The following SLC7A7 variants were observed in gnomAD, a reference collection of about 807,000 sequenced individuals.
The protein encoded by SLC7A7 is Y+L amino acid transporter 1.
A neutral mutation model predicts 47.9 loss-of-function variants in SLC7A7; 39 were observed. The ratio of observed to expected loss-of-function variants is 0.81; its 90% CI spans 0.63 to 1.06. SLC7A7 has a LOEUF of 1.06. Ranked by LOEUF, SLC7A7 falls within the 50% of genes least tolerant of loss-of-function variation. The pLI is 0.00. For missense variants in SLC7A7, 588 were observed against 632.0 expected, an observed-to-expected ratio of 0.93 and a Z score of 0.75; for synonymous variants, 234 against 242.8, an observed-to-expected ratio of 0.96 and a Z score of 0.34.
At chr14:22,798,623 C>T (rs1395392227) in intron 2 of SLC7A7, among the ~76,000 whole-genome samples, 1 of 152,180 alleles carries the variant, frequency 6.6e-6, no homozygotes, top group Non-Finnish European at 1.5e-5. Flanking sequence ...GTCCCTCAAC[C>T]TTGGTCCTTT....
At chr14:22,792,589 G>A (rs1297216049) in intron 2 of SLC7A7, among the ~76,000 whole-genome samples, 1 of 152,056 alleles carries the variant, frequency 6.6e-6, no homozygotes, top group African/African-American at 2.4e-5. Context: ...CGTGGTGGTG[G>A]CTCACACCTG....
In SLC7A7 at chr14:22,776,207, A is replaced by G. The variant is rs750881343; in HGVS notation, c.882T>C (p.Asp294=). Residue 294 remains aspartate (D), a synonymous_variant, in exon 5 of 10, where the codon GAT becomes GAC. Transcript: ENST00000674313. The part of the protein sequence containing the change: ...VLDMRDILAS[D]AVAVTFADQI... ...GAAAATCCTTTACCACAGCAACAGC[A>G]TCACTGGCCAAGATGTCTCTCATGT... The G allele has an allele frequency of 3.0e-5, 49 of 1,614,236 alleles. No homozygotes were observed. In the African/African-American group the frequency reaches 5.9e-4, roughly 19 times the overall value.
intron 2 of SLC7A7, among the ~76,000 whole-genome samples, chr14:22,796,944 G>A (rs751145165): frequency 6.6e-6 from 1 of 152,192 alleles, no homozygotes; most frequent in Non-Finnish European, 1.5e-5. Flanking sequence ...ACAGCATGCG[G>A]AAGGTAAAGC....
chr14:22,797,484 A>G (rs1308363001), intron 2 of SLC7A7, among the ~76,000 whole-genome samples: 2 of 152,232 alleles, frequency 1.3e-5, no homozygotes, highest in African/African-American at 4.8e-5. Context: ...CTCTGAGATT[A>G]AGATCCAGTC....
At chr14:22,807,305 T>C (rs1172203510) in intron 2 of SLC7A7, among the ~76,000 whole-genome samples, 1 of 152,136 alleles carries the variant, frequency 6.6e-6, no homozygotes, top group Non-Finnish European at 1.5e-5. Context: ...TAAACCAGTC[T>C]CCCCACCTTC....
At chr14:22,795,682 C>T (rs2139428126) in intron 2 of SLC7A7, among the ~76,000 whole-genome samples, 1 of 151,444 alleles carries the variant, frequency 6.6e-6, no homozygotes, top group South Asian at 2.1e-4. Context: ...ACCATGTTAG[C>T]CAGGATGGTC....
In SLC7A7 at chr14:22,812,924, G is replaced by T. The variant is rs11568437; in HGVS notation, c.475C>A (p.Arg159Ser). 1 of 1,613,608 alleles carries T rather than the reference G, an allele frequency of 6.2e-7. No individual in the cohort carries two copies. Among genetic ancestry groups the T allele is most frequent in the Non-Finnish European group, 8.5e-7 (1 of 1,179,980 alleles). ...CAAATGCAGGCAGCAGCCAGCAGGC[G>T]GCTGGCAGCATAAGGGGCGAAGCAG... ...PSCFAPYAAS[R>S]LLAAACICLL... The change falls in exon 2 of 10, where the codon CGC becomes AGC. Residue 159 changes from arginine (R) to serine (S), a missense_variant. Coordinates refer to ENST00000674313, the MANE Select transcript of SLC7A7 (RefSeq NM_003982.4).
At chr14:22,811,844 CAAAAAAAA>C (rs57356836) in intron 2 of SLC7A7, among the ~76,000 whole-genome samples, 108 of 125,156 alleles carry the variant, frequency 8.6e-4, no homozygotes, top group Admixed American at 1.2e-3. Context: ...GACTCTATCT[CAAAAAAAA>C]AAAAAAAAAA....
intron 2 of SLC7A7, among the ~76,000 whole-genome samples, chr14:22,793,629 T>G (rs989618905): frequency 6.6e-6 from 1 of 151,986 alleles, no homozygotes; most frequent in Non-Finnish European, 1.5e-5. Context: ...CTGGGCAACA[T>G]GGTGAAAACC....
rs1566464038 is a variant in SLC7A7, at chr14:22,812,965, T to C, written c.434A>G (p.Gln145Arg). 1 of 1,613,912 alleles carries C rather than the reference T, an allele frequency of 6.2e-7. No homozygotes were observed. The highest frequency in any genetic ancestry group is 8.5e-7 in the Non-Finnish European group (1 of 1,179,990). Reference protein sequence around the residue: ...IAITFANYMVQPLFPSCFAPY... With the variant: ...IAITFANYMVRPLFPSCFAPY... ...GGCGAAGCAGCTCGGGAAGAGAGGC[T>C]GTACCATGTAGTTGGCAAAGGTGAT... The change falls in exon 2 of 10, where the codon CAG (glutamine) becomes CGG (arginine). Residue 145 changes from glutamine to arginine, a missense_variant. Coordinates refer to ENST00000674313, the MANE Select transcript of SLC7A7 (RefSeq NM_003982.4).
intron 6 of SLC7A7, 33 bp from the exon 7 acceptor site, chr14:22,775,573 AT>A: frequency 6.3e-7 from 1 of 1,583,344 alleles, no homozygotes; most frequent in Non-Finnish European, 8.7e-7. Context: ...AGCTGAGAAA[AT>A]TGGTGGACAC....
At chr14:22,773,907 A>G in intron 9 of SLC7A7, 26 bp downstream of exon 9, 1 of 1,613,534 alleles carries the variant, frequency 6.2e-7, no homozygotes, top group South Asian at 1.1e-5. Context: ...GCAATAGCTG[A>G]GCGGACTTAA....
rs2039346194 is a variant in SLC7A7 at position 22,813,156 on chromosome 14, G to A, written c.243C>T (p.Leu81=). 2 of 1,614,076 alleles carry A rather than the reference G, an allele frequency of 1.2e-6. No homozygotes were observed. The highest frequency in any genetic ancestry group is 1.3e-5 in the African/African-American group (1 of 74,920). Residue 81 remains leucine, a synonymous_variant, in exon 2 of 10, where the codon CTC becomes CTT. Transcript: ENST00000674313. ...AACAAAGGGCCCCAAAGACGGAGAA[G>A]AGGCCCCCGACAGCCCAGATGACCA... ...LSLVIWAVGG[L]FSVFGALCYA...
At chr14:22,777,437 C>G (rs2038634977) in intron 4 of SLC7A7, among the ~76,000 whole-genome samples, 1 of 152,048 alleles carries the variant, frequency 6.6e-6, no homozygotes. Flanking sequence ...ATATGTCTGC[C>G]CACCCCTTCC....
At chr14:22,792,399 C>G (rs1461614285) in intron 2 of SLC7A7, among the ~76,000 whole-genome samples, 1 of 151,894 alleles carries the variant, frequency 6.6e-6, no homozygotes, top group Non-Finnish European at 1.5e-5. Flanking sequence ...CCTTTCTCTA[C>G]AAAAAAATTA....
At chr14:22,794,898 T>C (rs2038983710) in intron 2 of SLC7A7, among the ~76,000 whole-genome samples, 1 of 152,054 alleles carries the variant, frequency 6.6e-6, no homozygotes, top group African/African-American at 2.4e-5. Context: ...ATGGTGACAA[T>C]TGAGAACGGC....
At chr14:22,795,406 C>CT (rs1205973382) in intron 2 of SLC7A7, among the ~76,000 whole-genome samples, 1 of 98,708 alleles carries the variant, frequency 1.0e-5, no homozygotes, top group Admixed American at 9.3e-5. Flanking sequence ...TTCTTTCTTT[C>CT]TTTCTTTCTT....
At chr14:22,776,508 A>G (rs1200229866) in intron 4 of SLC7A7, among the ~76,000 whole-genome samples, 190 bp from the exon 5 acceptor site, 1 of 152,188 alleles carries the variant, frequency 6.6e-6, no homozygotes, top group African/African-American at 2.4e-5. Flanking sequence ...GAACTAAAGA[A>G]CATTAGGGGA....
At chr14:22,810,768 G>A (rs989461833) in intron 2 of SLC7A7, among the ~76,000 whole-genome samples, 3 of 151,934 alleles carry the variant, frequency 2.0e-5, no homozygotes, top group South Asian at 2.1e-4. Context: ...ACCTGAGGTC[G>A]GGAGTTCAAG....
Sources: gnomAD v4.1 joint callset for allele counts (sites outside exome capture counted in the v4.1 genomes callset) on GRCh38, gnomAD v4.1.1 for gene constraint, MANE v1.5 for transcripts, NCBI Gene and HGNC (gene_info 2026-07-23, HGNC 2026-07-21) for gene names.